The following SRGAP3 variants were observed in gnomAD, a reference collection of about 807,000 sequenced individuals.
SRGAP3 encodes SLIT-ROBO Rho GTPase activating protein 3, also known as SLIT-ROBO Rho GTPase-activating protein 3.
Under a neutral mutation model 121.1 loss-of-function variants are expected in SRGAP3, and 39 were observed. The observed-to-expected ratio is 0.32, with a 90% CI of 0.25 to 0.42. SRGAP3 has a LOEUF of 0.42. SRGAP3 is among the 10% of genes least tolerant of loss of function. The pLI is 1.00. For synonymous variants in SRGAP3, 601 were observed against 570.0 expected (o/e 1.05, Z -0.77); for missense variants, 1,213 against 1,470.6 (o/e 0.82, Z 2.86).
intron 1 of SRGAP3, among the ~76,000 whole-genome samples, chr3:9,192,326 G>A (rs1056274785): frequency 6.6e-6 from 1 of 152,180 alleles, no homozygotes; most frequent in African/African-American, 2.4e-5. Flanking sequence ...CATGATAAAG[G>A]CCTGTTTTTG....
At chr3:9,233,790 A>G (rs1172680115) in intron 1 of SRGAP3, among the ~76,000 whole-genome samples, 1 of 152,192 alleles carries the variant, frequency 6.6e-6, no homozygotes, top group Non-Finnish European at 1.5e-5. Context: ...CTCCTTCCAT[A>G]ACACTCAACA....
At chr3:9,282,441 C>T (rs1002469820) in intron 3 of SRGAP3, among the ~76,000 whole-genome samples, 2 of 152,124 alleles carry the variant, frequency 1.3e-5, no homozygotes, top group African/African-American at 4.8e-5. Context: ...GAGCTTTATT[C>T]TCATTTCTGC....
intron 12 of SRGAP3, among the ~76,000 whole-genome samples, chr3:9,028,544 C>T (rs1053079314): frequency 3.3e-5 from 5 of 152,182 alleles, no homozygotes; most frequent in African/African-American, 1.2e-4. Flanking sequence ...TTATTCCCAG[C>T]TGCCCACAAA....
intron 1 of SRGAP3, among the ~76,000 whole-genome samples, chr3:9,240,690 A>G (rs1224199154): frequency 6.6e-6 from 1 of 152,214 alleles, no homozygotes; most frequent in African/African-American, 2.4e-5. Flanking sequence ...CCCCTCTCCA[A>G]TCATCAATTT....
At chr3:9,275,157 G>A (rs547674145) in intron 3 of SRGAP3, among the ~76,000 whole-genome samples, 2 of 152,164 alleles carry the variant, frequency 1.3e-5, no homozygotes, top group East Asian at 3.9e-4. Flanking sequence ...AGACAAGAAA[G>A]AAAGTTTACA....
chr3:9,029,925 G>C (rs1944394074), intron 12 of SRGAP3, among the ~76,000 whole-genome samples: 1 of 151,968 alleles, frequency 6.6e-6, no homozygotes, highest in African/African-American at 2.4e-5. Context: ...AGGATCCCTT[G>C]GGCCCAGGAG....
At chr3:9,059,672 G>A in intron 6 of SRGAP3, 1 of 201,612 alleles carries the variant, frequency 5.0e-6, no homozygotes, top group Non-Finnish European at 1.0e-5. Flanking sequence ...GGCGTGTCCT[G>A]CACAGCGGGT....
chr3:9,121,798 A>G (rs1339677188), intron 2 of SRGAP3, among the ~76,000 whole-genome samples: 5 of 152,208 alleles, frequency 3.3e-5, no homozygotes, highest in African/African-American at 1.2e-4. Flanking sequence ...GAAGGAGCGG[A>G]CAGGAGAGAT....
intron 4 of SRGAP3, among the ~76,000 whole-genome samples, chr3:9,071,210 G>A (rs1243942382): frequency 6.6e-6 from 1 of 152,138 alleles, no homozygotes; most frequent in Non-Finnish European, 1.5e-5. Flanking sequence ...CTCCTCCTCA[G>A]TGGACACCTG....
In SRGAP3 at chr3:9,139,033, C is replaced by A. The variant is rs556564805; in HGVS notation, c.68-14116G>T. Among the ~76,000 whole-genome samples the A allele has an allele frequency of 6.6e-5, 10 of 152,262 alleles. No individual in the cohort carries two copies. In the South Asian group the frequency reaches 2.1e-3, roughly 32 times the overall value. On this transcript the variant is annotated intron_variant, in intron 1 of 21. Coordinates refer to ENST00000383836, the MANE Select transcript of SRGAP3 (RefSeq NM_014850.4). ...AAGAGGAGAAACTGAGGAACAGAGA[C>A]CCACACCCCAAAGCTGTACCAGCAC...
At chr3:9,227,570 T>C (rs1363542941) in intron 1 of SRGAP3, among the ~76,000 whole-genome samples, 1 of 152,270 alleles carries the variant, frequency 6.6e-6, no homozygotes, top group African/African-American at 2.4e-5. Flanking sequence ...CCTAGATCTG[T>C]CTGGCTTCCC....
At chr3:9,348,734 A>G in intron 1 of SRGAP3, 1 of 1,301,298 alleles carries the variant, frequency 7.7e-7, no homozygotes, top group Non-Finnish European at 1.1e-6. Flanking sequence ...GATCGGTCTC[A>G]ATAAAGCAGA....
At chr3:9,219,964 A>T (rs1175600608) in intron 1 of SRGAP3, among the ~76,000 whole-genome samples, 1 of 152,182 alleles carries the variant, frequency 6.6e-6, no homozygotes, top group Non-Finnish European at 1.5e-5. Flanking sequence ...TCTCATTCAT[A>T]TGTGGGAGCT....
chr3:9,076,758 C>A (rs578179578), intron 4 of SRGAP3, among the ~76,000 whole-genome samples: 5 of 145,248 alleles, frequency 3.4e-5, no homozygotes, highest in African/African-American at 1.2e-4. Context: ...TCTCCCTCAA[C>A]TAATACACAC....
intron 17 of SRGAP3, among the ~76,000 whole-genome samples, chr3:9,010,600 T>A (rs905624040): frequency 1.2e-4 from 18 of 151,740 alleles, no homozygotes; most frequent in African/African-American, 4.4e-4. Context: ...CCCAAATATC[T>A]CCCCCAGTGC....
chr3:9,199,873 C>T (rs1952020897), intron 1 of SRGAP3, among the ~76,000 whole-genome samples: 1 of 152,116 alleles, frequency 6.6e-6, no homozygotes, highest in Admixed American at 6.5e-5. Flanking sequence ...TGGAAATGTG[C>T]CATTGAGACA....
intron 1 of SRGAP3, among the ~76,000 whole-genome samples, chr3:9,214,354 G>A (rs1952547477): frequency 6.6e-6 from 1 of 152,090 alleles, no homozygotes. Flanking sequence ...ATTTACAGAT[G>A]AGGAAGCAGT....
At chr3:9,339,016 C>G (rs189402580) in intron 1 of SRGAP3, among the ~76,000 whole-genome samples, 1 of 152,190 alleles carries the variant, frequency 6.6e-6, no homozygotes, top group Non-Finnish European at 1.5e-5. Context: ...ATCAATTCTG[C>G]AGGGACTTAC....
chr3:9,033,089 G>A (rs940054118), intron 11 of SRGAP3, among the ~76,000 whole-genome samples: 1 of 152,174 alleles, frequency 6.6e-6, no homozygotes, highest in Non-Finnish European at 1.5e-5. Flanking sequence ...GGGAATCAGG[G>A]GAGAGAGATG....
Sources: allele counts gnomAD v4.1 joint callset (sites outside exome capture counted in the v4.1 genomes callset), GRCh38; gene constraint gnomAD v4.1.1; transcripts MANE v1.5; gene names NCBI Gene and HGNC (gene_info 2026-07-23, HGNC 2026-07-21).